CELF1: variants seen among roughly 807,000 people sequenced by gnomAD.
CELF1 encodes the protein CUGBP Elav-like family member 1.
A neutral mutation model predicts 61.8 loss-of-function variants in CELF1; 10 were observed. That is an observed-to-expected ratio of 0.16 (90% CI 0.10 to 0.27). CELF1 has a LOEUF of 0.27. Among genes scored for constraint, CELF1 ranks in the 10% least tolerant of loss-of-function variants. The pLI, the probability that CELF1 is intolerant of heterozygous loss-of-function variation, is 1.00. For synonymous variants in CELF1, 236 were observed against 225.1 expected (o/e 1.05, Z -0.43); for missense variants, 380 against 639.1 (o/e 0.59, Z 4.37).
At chr11:47,546,175 C>G (rs1258315117) in intron 1 of CELF1, among the ~76,000 whole-genome samples, 2 of 140,634 alleles carry the variant, frequency 1.4e-5, no homozygotes, top group Non-Finnish European at 3.0e-5. Context: ...CTCCCTACAT[C>G]TTTTTAAGGG....
intron 1 of CELF1, among the ~76,000 whole-genome samples, chr11:47,549,970 C>G (rs1024309872): frequency 6.6e-6 from 1 of 152,024 alleles, no homozygotes; most frequent in African/African-American, 2.4e-5. Flanking sequence ...GCACATGCCA[C>G]CACACCTGGT....
intron 3 of CELF1, chr11:47,494,590 AC>A: frequency 1.6e-6 from 1 of 644,738 alleles, no homozygotes; most frequent in Non-Finnish European, 1.9e-6. Context: ...AAATTTCCCC[AC>A]CCCAGGCCTA....
intron 2 of CELF1, among the ~76,000 whole-genome samples, chr11:47,500,647 C>A (rs1052233872): frequency 6.6e-6 from 1 of 152,150 alleles, no homozygotes; most frequent in Non-Finnish European, 1.5e-5. Flanking sequence ...CTAGTGAGTG[C>A]ACACATAAAA....
At chr11:47,478,056 C>A (rs2081070958) in intron 10 of CELF1, among the ~76,000 whole-genome samples, 1 of 151,690 alleles carries the variant, frequency 6.6e-6, no homozygotes, top group Non-Finnish European at 1.5e-5. Flanking sequence ...AAACCATTTA[C>A]TAGACAATGG....
intron 10 of CELF1, among the ~76,000 whole-genome samples, chr11:47,478,293 G>C (rs191106079): frequency 2.0e-4 from 31 of 152,330 alleles, no homozygotes; most frequent in Non-Finnish European, 3.7e-4. Flanking sequence ...AGAGGGTGTA[G>C]GCACAGGCAG....
intron 9 of CELF1, chr11:47,482,314 TAAG>T: frequency 1.3e-5 from 2 of 158,234 alleles, no homozygotes; most frequent in African/African-American, 4.8e-5. Flanking sequence ...AAAGACTCAA[TAAG>T]GATTTTAATG....
intron 9 of CELF1, among the ~76,000 whole-genome samples, chr11:47,481,084 TTTTTTTTTTTTCTTCTTC>T (rs2082814853): frequency 9.2e-6 from 1 of 108,246 alleles, no homozygotes; most frequent in Admixed American, 1.1e-4. Context: ...AACTGGGGTT[TTTTTTTTTTTTCTTCTTC>T]TTTTTTTTTT....
chr11:47,502,912 C>T (rs1352109061), intron 1 of CELF1, among the ~76,000 whole-genome samples: 3 of 152,120 alleles, frequency 2.0e-5, no homozygotes, highest in African/African-American at 4.8e-5. Flanking sequence ...GGGGTTATAA[C>T]CAAGGGTCTG....
intron 7 of CELF1, among the ~76,000 whole-genome samples, chr11:47,484,016 T>C (rs1368808314): frequency 6.6e-6 from 1 of 152,098 alleles, no homozygotes; most frequent in East Asian, 1.9e-4. Context: ...GAATCACTGT[T>C]GCTAGTTTCC....
rs182959427 is a variant in CELF1 at position 47,469,179 on chromosome 11, C to A, written c.*3051G>T. ...AAGCACCCAACTCCTAAGAGAAGGT[C>A]TCCAGGGGAGCAGAGCCTCAGCCTC... On this transcript the variant is annotated 3_prime_UTR_variant, in exon 15 of 15. Coordinates refer to ENST00000687097, the MANE Select transcript of CELF1 (RefSeq NM_001376376.1). 2.0e-5 allele frequency: 3 copies of A among 152,330 alleles called. No individual in the cohort carries two copies. The East Asian group carries it at 5.8e-4, about 29-fold the overall frequency. The allele number at this position is 152,330 out of a possible 1,614,324, so 9.4% of individuals were successfully genotyped here.
chr11:47,486,933 A>G, intron 5 of CELF1, 135 bp from the exon 6 acceptor site: 2 of 777,890 alleles, frequency 2.6e-6, no homozygotes, highest in Non-Finnish European at 4.3e-6. Context: ...ATCTTTCCCC[A>G]GAAAACAGAA....
At chr11:47,523,583 G>C (rs1168655703) in intron 1 of CELF1, 1 of 152,268 alleles carries the variant, frequency 6.6e-6, no homozygotes, top group Admixed American at 6.6e-5. Context: ...TAGTCACACA[G>C]AACTCTGCAT....
At chr11:47,555,228 G>A (rs900243783), upstream of CELF1, among the ~76,000 whole-genome samples, 1 of 152,132 alleles carries the variant, frequency 6.6e-6, no homozygotes, top group African/African-American at 2.4e-5. Flanking sequence ...AGCTAAATAA[G>A]GAAAGGCACC....
rs1170409164 is a variant in CELF1 at position 47,476,141 on chromosome 11, C to T, written c.1088-620G>A. On this transcript the variant is annotated intron_variant, in intron 12 of 14. Transcript: ENST00000687097. ...TCAGCCTCCCAAGTAGCTGGGACTA[C>T]AGGCATGCACCACTACACCCAGATA... 3.3e-5 allele frequency among the ~76,000 whole-genome samples: 5 copies of T among 151,876 alleles called. No homozygotes were observed. In the East Asian group the frequency reaches 9.7e-4, roughly 29 times the overall value.
At chr11:47,490,262 G>A (rs765654190) in intron 3 of CELF1, among the ~76,000 whole-genome samples, 3 of 151,512 alleles carry the variant, frequency 2.0e-5, no homozygotes, top group Non-Finnish European at 4.4e-5. Flanking sequence ...AAAGTCCTTC[G>A]TCCTATTTGT....
chr11:47,528,707 C>A (rs1011120648), intron 1 of CELF1, among the ~76,000 whole-genome samples: 2 of 152,022 alleles, frequency 1.3e-5, no homozygotes, highest in Non-Finnish European at 2.9e-5. Flanking sequence ...TACAGTGAGA[C>A]CCCATCTCCA....
intron 1 of CELF1, among the ~76,000 whole-genome samples, chr11:47,533,346 G>A (rs190553468): frequency 2.5e-3 from 374 of 152,278 alleles, no homozygotes; most frequent in Non-Finnish European, 4.4e-3. Flanking sequence ...AATTGGCCGG[G>A]TATAGTGGCT....
chr11:47,551,242 A>T (rs957401371), intron 1 of CELF1, among the ~76,000 whole-genome samples: 1 of 152,216 alleles, frequency 6.6e-6, no homozygotes, highest in African/African-American at 2.4e-5. Context: ...GAATGGTTGA[A>T]TAGAAGTTGA....
chr11:47,550,217 T>C (rs2097102248), intron 1 of CELF1, among the ~76,000 whole-genome samples: 1 of 151,960 alleles, frequency 6.6e-6, no homozygotes, highest in Non-Finnish European at 1.5e-5. Flanking sequence ...AGTGACACCC[T>C]GTCTCTACAA....
Sources: allele counts gnomAD v4.1 joint callset (sites outside exome capture counted in the v4.1 genomes callset), GRCh38; gene constraint gnomAD v4.1.1; transcripts MANE v1.5; gene names NCBI Gene and HGNC (gene_info 2026-07-23, HGNC 2026-07-21).